POLR1A: variants seen among roughly 807,000 people sequenced by gnomAD.
POLR1A encodes DNA-directed RNA polymerase I subunit RPA1.
In POLR1A, 84 loss-of-function variants were observed where a neutral mutation model predicts 205.3. That is an observed-to-expected ratio of 0.41 (90% CI 0.34 to 0.49). POLR1A has a LOEUF of 0.49. Ranked by LOEUF, POLR1A falls within the 20% of genes least tolerant of loss-of-function variation. POLR1A has a pLI of 0.22. For missense variants in POLR1A, 1,645 were observed against 2,204.5 expected, an observed-to-expected ratio of 0.75 and a Z score of 5.08; for synonymous variants, 799 against 863.7, an observed-to-expected ratio of 0.93 and a Z score of 1.31.
chr2:86,036,560 G>C (rs1050869719), intron 27 of POLR1A, among the ~76,000 whole-genome samples: 1 of 152,184 alleles, frequency 6.6e-6, no homozygotes, highest in Non-Finnish European at 1.5e-5. Flanking sequence ...AAAGCTTCTT[G>C]GGGGTTGGCT....
intron 1 of POLR1A, among the ~76,000 whole-genome samples, chr2:86,105,213 ATGC>A (rs1376306473): frequency 2.0e-5 from 3 of 152,214 alleles, no homozygotes; most frequent in African/African-American, 7.2e-5. Context: ...AGAATGTCAA[ATGC>A]TACCTTGATC....
intron 14 of POLR1A, among the ~76,000 whole-genome samples, chr2:86,058,241 C>T (rs896438067): frequency 6.6e-6 from 1 of 152,120 alleles, no homozygotes; most frequent in African/African-American, 2.4e-5. Context: ...GCTGGGATTA[C>T]AGGCATGTGC....
At chr2:86,100,552 T>TA (rs1673800177) in intron 1 of POLR1A, among the ~76,000 whole-genome samples, 1 of 150,410 alleles carries the variant, frequency 6.6e-6, no homozygotes, top group Admixed American at 6.6e-5. Flanking sequence ...TTTTTTTTTT[T>TA]AACAAGGTCT....
At chr2:86,039,559 T>G in intron 25 of POLR1A, 97 bp from the exon 26 acceptor site, 1 of 1,415,566 alleles carries the variant, frequency 7.1e-7, no homozygotes, top group Non-Finnish European at 9.9e-7. Context: ...TTTTGGAATC[T>G]GAGAGAGGCC....
At position 86,037,657 on chromosome 2, in the gene POLR1A, G is replaced by A. The variant is rs533629504; in HGVS notation, c.4034+1043C>T. 6.8e-4 allele frequency among the ~76,000 whole-genome samples: 103 copies of A among 151,668 alleles called. 1 individual carries two copies. Among genetic ancestry groups the A allele is most frequent in the Non-Finnish European group, 7.2e-4 (49 of 67,618 alleles). On this transcript the variant is annotated intron_variant, in intron 27 of 33. Coordinates refer to ENST00000263857, the MANE Select transcript of POLR1A (RefSeq NM_015425.6). ...GTCTAGATTAGAGGCAGTGGTCAGTGGCCTGTGGCCAGATCCTGCAACAGA... is the reference window on the plus strand; with the variant it reads ...GTCTAGATTAGAGGCAGTGGTCAGTAGCCTGTGGCCAGATCCTGCAACAGA...
chr2:86,093,141 T>A (rs1386366160), intron 3 of POLR1A, among the ~76,000 whole-genome samples: 1 of 152,206 alleles, frequency 6.6e-6, no homozygotes, highest in Non-Finnish European at 1.5e-5. Flanking sequence ...AAAAGGTATT[T>A]GATAAAATGT....
chr2:86,021,303 G>A lies in POLR1A; in HGVS notation c.*6120C>T, dbSNP rs1485510841. On this transcript the variant is annotated 3_prime_UTR_variant, in exon 34 of 34. Transcript: ENST00000263857. ...GCCTCCAGGCCTTCTGAGTAAGGAA[G>A]ACCCCAGCTTGCAAAAGACATAGAG... 3 of 152,064 alleles carry A rather than the reference G, an allele frequency of 2.0e-5. No homozygotes were observed. Among genetic ancestry groups the A allele is most frequent in the African/African-American group, 7.3e-5 (3 of 41,182 alleles). 9.4% of individuals were successfully genotyped at this position (152,064 alleles called of 1,614,324 possible).
intron 1 of POLR1A, among the ~76,000 whole-genome samples, chr2:86,105,499 T>C (rs1049458698): frequency 1.7e-4 from 26 of 152,098 alleles, no homozygotes; most frequent in African/African-American, 5.8e-4. Context: ...CGCAAACTCT[T>C]TCCCCCAGCA....
chr2:86,024,157 A>C lies in POLR1A; in HGVS notation c.*3266T>G, dbSNP rs1690213259. ...TGATTAAACAAAATACGGTATATAC[A>C]CATGAGGAGGTATCAGCAGCCTCAA... On this transcript the variant is annotated 3_prime_UTR_variant, in exon 34 of 34. Coordinates refer to ENST00000263857, the MANE Select transcript of POLR1A (RefSeq NM_015425.6). The C allele has an allele frequency of 5.9e-6, 1 of 168,422 alleles. No individual in the cohort carries two copies. The highest frequency in any genetic ancestry group is 2.4e-5 in the African/African-American group (1 of 42,136). The allele number at this position is 168,422 out of a possible 1,614,324, so 10.4% of individuals were successfully genotyped here.
chr2:86,082,264 G>A (rs80325086), intron 7 of POLR1A, among the ~76,000 whole-genome samples: 1,578 of 152,258 alleles, frequency 0.01, 20 homozygotes, highest in Non-Finnish European at 0.015. Flanking sequence ...GATGGGCAAG[G>A]ATGGGGAAGA....
Position 86,048,686 on chromosome 2 carries a change from T to C in POLR1A, c.2634+198A>G, listed in dbSNP as rs541463389. Among the ~76,000 whole-genome samples the C allele has an allele frequency of 1.0e-3, 153 of 152,368 alleles. 2 individuals are homozygous for C. The South Asian group carries it at 0.031, about 31-fold the overall frequency. On this transcript the variant is annotated intron_variant, in intron 18 of 33. Transcript: ENST00000263857. ...TCTTGGCACTATTCTGAGGCCTGTA[T>C]AGACCCTAACTGGGGCAGGGAACAA...
At chr2:86,083,486 T>C (rs1202437205) in intron 6 of POLR1A, among the ~76,000 whole-genome samples, 21 of 152,214 alleles carry the variant, frequency 1.4e-4, no homozygotes, top group Admixed American at 1.4e-3. Context: ...ATACACGTAT[T>C]TTACACAACT....
At chr2:86,082,775 T>C (rs1673427555) in intron 7 of POLR1A, among the ~76,000 whole-genome samples, 1 of 152,226 alleles carries the variant, frequency 6.6e-6, no homozygotes, top group African/African-American at 2.4e-5. Context: ...CTTACGGGCA[T>C]TTAAAATAAG....
Position 86,070,698 on chromosome 2 carries a change from C to CA in POLR1A, c.1612-427_1612-426insT, listed in dbSNP as rs1290525107. Among the ~76,000 whole-genome samples, 1 of 27,178 alleles carries CA rather than the reference C, an allele frequency of 3.7e-5. No individual in the cohort carries two copies. The highest frequency in any genetic ancestry group is 7.0e-5 in the African/African-American group (1 of 14,354). 17.8% of individuals were successfully genotyped at this position (27,178 alleles called of 152,430 possible). A position where few individuals can be genotyped will look rare whatever the true frequency, so the allele number is the denominator to read the frequency against. On this transcript the variant is annotated intron_variant, in intron 12 of 33. Coordinates refer to ENST00000263857, the MANE Select transcript of POLR1A (RefSeq NM_015425.6). This position sits in a 1 kb window ranked among gnomAD's most constrained non-coding sequence, Gnocchi z 4.4. The stretch of plus-strand genomic sequence containing the variant: ...AAGGCATTGGCAGACTTTCGAATCC[C>CA]CCCCCCGCCGTGATCACATGTGAGT...
chr2:86,034,351 G>A (rs186934406), intron 27 of POLR1A, among the ~76,000 whole-genome samples: 5 of 152,276 alleles, frequency 3.3e-5, no homozygotes, highest in East Asian at 3.9e-4. Context: ...TGGGAGCCCC[G>A]GCAATGTGAC....
At chr2:86,100,658 C>A (rs1174329815) in intron 1 of POLR1A, among the ~76,000 whole-genome samples, 1 of 151,906 alleles carries the variant, frequency 6.6e-6, no homozygotes, top group East Asian at 1.9e-4. Context: ...CTCAGCCTCC[C>A]GAGTAGCTGG....
At chr2:86,042,185 G>A in intron 23 of POLR1A, 82 bp from the exon 24 acceptor site, 1 of 957,702 alleles carries the variant, frequency 1.0e-6, no homozygotes, top group East Asian at 2.4e-5. Context: ...CTTCCAATGA[G>A]AATAAAGGGA....
chr2:86,050,317 T>C (rs1334554167), intron 16 of POLR1A, among the ~76,000 whole-genome samples: 1 of 152,148 alleles, frequency 6.6e-6, no homozygotes, highest in Non-Finnish European at 1.5e-5. Flanking sequence ...GTTCAAAAGA[T>C]GGGGCTGAAA....
chr2:86,066,043 A>G (rs1005481809), intron 13 of POLR1A, among the ~76,000 whole-genome samples: 1 of 152,252 alleles, frequency 6.6e-6, no homozygotes, highest in Non-Finnish European at 1.5e-5. Context: ...ACAATATCAC[A>G]AAGTGTTTTA....
Sources: allele counts gnomAD v4.1 joint callset (sites outside exome capture counted in the v4.1 genomes callset), GRCh38; gene constraint gnomAD v4.1.1; non-coding constraint Gnocchi (gnomAD v3.1); transcripts MANE v1.5; gene names NCBI Gene and HGNC (gene_info 2026-07-23, HGNC 2026-07-21).